NACC2: variants seen among roughly 807,000 people sequenced by gnomAD.
NACC2 encodes nucleus accumbens-associated protein 2.
A neutral mutation model predicts 25.1 loss-of-function variants in NACC2; 8 were observed. The ratio of observed to expected loss-of-function variants is 0.32; its 90% CI spans 0.19 to 0.57. NACC2 has a LOEUF of 0.57. Among genes scored for constraint, NACC2 ranks in the 20% least tolerant of loss-of-function variants. NACC2 has a pLI of 0.89. For missense variants in NACC2, 644 were observed against 650.2 expected, an observed-to-expected ratio of 0.99 and a Z score of 0.10; for synonymous variants, 435 against 294.7, an observed-to-expected ratio of 1.48 and a Z score of -4.88.
chr9:136,094,022 G>A (rs896246630), intron 1 of NACC2, among the ~76,000 whole-genome samples: 3 of 152,264 alleles, frequency 2.0e-5, no homozygotes, highest in African/African-American at 4.8e-5. Context: ...TCTGGCAGGA[G>A]AGTGCGGCCG....
At chr9:136,042,103 C>A (rs1194598645) in intron 2 of NACC2, among the ~76,000 whole-genome samples, 1 of 152,162 alleles carries the variant, frequency 6.6e-6, no homozygotes, top group Admixed American at 6.5e-5. Context: ...ATTCTCTCGC[C>A]TCAGCCTCCT....
At chr9:136,085,720 C>T (rs1280057489) in intron 1 of NACC2, among the ~76,000 whole-genome samples, 6 of 152,232 alleles carry the variant, frequency 3.9e-5, no homozygotes, top group Non-Finnish European at 7.3e-5. Flanking sequence ...GGAAAATGTT[C>T]TTTGTACAAT....
rs1427630890 is a variant in NACC2, at chr9:136,084,399, C to T, written c.-60+10790G>A. Among the ~76,000 whole-genome samples the T allele has an allele frequency of 4.6e-5, 7 of 152,276 alleles. No individual in the cohort carries two copies. Among genetic ancestry groups the T allele is most frequent in the African/African-American group, 1.7e-4 (7 of 41,546 alleles). On this transcript the variant is annotated intron_variant, in intron 1 of 5. Transcript: ENST00000277554. The surrounding 1 kb of genome is among the most constrained non-coding windows in gnomAD (Gnocchi z 5.1). ...TCATCCATCACACAGACACCTCCTACGCAATGTCCGGTCTCCGCTGGTGGG... is the reference window on the plus strand; with the variant it reads ...TCATCCATCACACAGACACCTCCTATGCAATGTCCGGTCTCCGCTGGTGGG...
At chr9:136,053,503 G>A (rs1199193352) in intron 1 of NACC2, among the ~76,000 whole-genome samples, 1 of 152,126 alleles carries the variant, frequency 6.6e-6, no homozygotes. Context: ...CACCCTCCCC[G>A]CCACACCCTC....
intron 1 of NACC2, among the ~76,000 whole-genome samples, chr9:136,068,141 A>G (rs966323675): frequency 3.9e-5 from 6 of 152,216 alleles, no homozygotes; most frequent in Non-Finnish European, 8.8e-5. Flanking sequence ...ATATTACTAT[A>G]TGCTACTAAA....
At chr9:136,054,836 G>A (rs1360798041) in intron 1 of NACC2, among the ~76,000 whole-genome samples, 1 of 152,076 alleles carries the variant, frequency 6.6e-6, no homozygotes, top group Non-Finnish European at 1.5e-5. Context: ...GTTTACCCCA[G>A]CCATCCTCAG....
chr9:136,012,144 G>A (rs1840121110), intron 5 of NACC2, 120 bp from the exon 6 acceptor site: 1 of 1,250,982 alleles, frequency 8.0e-7, no homozygotes, highest in East Asian at 2.7e-5. Context: ...GGGCCCATGT[G>A]ACCACCTGGG....
intron 1 of NACC2, among the ~76,000 whole-genome samples, chr9:136,074,754 C>T (rs1164832892): frequency 6.6e-6 from 1 of 152,082 alleles, no homozygotes; most frequent in Non-Finnish European, 1.5e-5. Flanking sequence ...TCCCCTGTGA[C>T]TCCCAGAGGG....
At chr9:136,042,655 CACAG>C (rs891907257) in intron 2 of NACC2, among the ~76,000 whole-genome samples, 27 of 152,002 alleles carry the variant, frequency 1.8e-4, no homozygotes, top group Non-Finnish European at 3.2e-4. Context: ...GACACACACA[CACAG>C]AAACACACAC....
chr9:136,027,737 G>C, intron 2 of NACC2, among the ~76,000 whole-genome samples: 1 of 152,098 alleles, frequency 6.6e-6, no homozygotes, highest in African/African-American at 2.4e-5. Flanking sequence ...GAAATATAGA[G>C]CCCTAAGTGC....
intron 2 of NACC2, among the ~76,000 whole-genome samples, chr9:136,045,414 G>GGCCC (rs1840708143): frequency 1.5e-5 from 1 of 66,238 alleles, no homozygotes; most frequent in African/African-American, 5.2e-5. Flanking sequence ...GGTTACCGTG[G>GGCCC]AAGTGTGCAG....
At chr9:136,037,146 GT>G (rs986036825) in intron 2 of NACC2, among the ~76,000 whole-genome samples, 12 of 152,236 alleles carry the variant, frequency 7.9e-5, no homozygotes, top group Non-Finnish European at 1.3e-4. Context: ...AAAGATGAAG[GT>G]GACAATAAAT....
intron 1 of NACC2, among the ~76,000 whole-genome samples, chr9:136,051,737 G>A (rs1273256451): frequency 6.6e-6 from 1 of 152,120 alleles, no homozygotes; most frequent in Non-Finnish European, 1.5e-5. Flanking sequence ...CCTACCTTCA[G>A]CCGCTGCGGC....
At chr9:136,035,419 AGAGGGACATTC>A (rs1320901650) in intron 2 of NACC2, among the ~76,000 whole-genome samples, 4 of 152,170 alleles carry the variant, frequency 2.6e-5, no homozygotes, top group African/African-American at 9.7e-5. Flanking sequence ...AAACCTAAAG[AGAGGGACATTC>A]TACAAAATAA....
chr9:136,038,332 T>A (rs1840583450), intron 2 of NACC2, among the ~76,000 whole-genome samples: 1 of 152,142 alleles, frequency 6.6e-6, no homozygotes, highest in African/African-American at 2.4e-5. Context: ...GCCCAGGCGT[T>A]CCAGACCAGC....
chr9:136,011,811 A>T lies in NACC2; in HGVS notation c.1469T>A (p.Val490Glu), dbSNP rs376720345. ...DPEFPPAAAQ[V>E]FEQRIYAERR... ...CTCGGCGTAGATGCGTTGCTCGAACACCTGTGCCGCGGCAGGCGGGAACTC... is the reference window on the plus strand; with the variant it reads ...CTCGGCGTAGATGCGTTGCTCGAACTCCTGTGCCGCGGCAGGCGGGAACTC... The change falls in exon 6 of 6, where the codon GTG (valine) becomes GAG (glutamate). Residue 490 changes from valine to glutamate, a missense_variant. Transcript: ENST00000277554. 1 of 1,578,450 alleles carries T rather than the reference A, an allele frequency of 6.3e-7. No homozygotes were observed. Among genetic ancestry groups the T allele is most frequent in the Admixed American group, 1.8e-5 (1 of 56,524 alleles).
At chr9:136,024,604 C>A (rs954315099) in intron 2 of NACC2, among the ~76,000 whole-genome samples, 2 of 151,806 alleles carry the variant, frequency 1.3e-5, no homozygotes, top group African/African-American at 4.8e-5. Flanking sequence ...CATGTGAGGA[C>A]CAGCAGGGGA....
chr9:136,048,802 G>A (rs1212065091), intron 2 of NACC2, among the ~76,000 whole-genome samples: 1 of 152,212 alleles, frequency 6.6e-6, no homozygotes, highest in Non-Finnish European at 1.5e-5. Flanking sequence ...GAAGGGCAGG[G>A]GGGCGTCCCA....
chr9:136,022,767 G>A lies in NACC2; in HGVS notation c.887-6338C>T, dbSNP rs75908384. Among the ~76,000 whole-genome samples the A allele has an allele frequency of 1.3e-5, 2 of 152,094 alleles. No homozygotes were observed. The highest frequency in any genetic ancestry group is 6.5e-5 in the Admixed American group (1 of 15,298). On this transcript the variant is annotated intron_variant, in intron 2 of 5. Coordinates refer to ENST00000277554, the MANE Select transcript of NACC2 (RefSeq NM_144653.5). This position sits in a 1 kb window ranked among gnomAD's most constrained non-coding sequence, Gnocchi z 4.4. ...CAGAAAGACCAGAAACGACTTCCAC[G>A]CTGTACTTGGTGGGAGCACAGAGGC...
Sources: gnomAD v4.1 joint callset for allele counts (sites outside exome capture counted in the v4.1 genomes callset) on GRCh38, gnomAD v4.1.1 for gene constraint, Gnocchi (gnomAD v3.1) non-coding constraint, MANE v1.5 for transcripts, NCBI Gene and HGNC (gene_info 2026-07-23, HGNC 2026-07-21) for gene names.